The following USP34 variants were observed in gnomAD, a reference collection of about 807,000 sequenced individuals.
USP34 encodes ubiquitin specific peptidase 34, also known as ubiquitin carboxyl-terminal hydrolase 34.
A neutral mutation model predicts 460.3 loss-of-function variants in USP34; 70 were observed. The observed-to-expected ratio is 0.15, with a 90% confidence interval of 0.13 to 0.19. USP34 has a LOEUF of 0.19. Among genes scored for constraint, USP34 ranks in the 10% least tolerant of loss-of-function variants. USP34 has a pLI of 1.00. For missense variants in USP34, 3,985 were observed against 4,236.2 expected, an observed-to-expected ratio of 0.94 and a Z score of 1.65; for synonymous variants, 1,647 against 1,405.3, an observed-to-expected ratio of 1.17 and a Z score of -3.85.
Position 61,406,056 on chromosome 2 carries a change from G to C in USP34, c.204C>G (p.Asn68Lys), listed in dbSNP as rs1693861160. ...IFNQVVCALI[N>K]LVIAQVQVLR... Reference sequence around the variant, plus strand: ...GCACTTGAACTTGGGCAATCACTAAGTTAATAAGTGCACACACTACTTGAT... The same window carrying C: ...GCACTTGAACTTGGGCAATCACTAACTTAATAAGTGCACACACTACTTGAT... Residue 68 changes from asparagine to lysine, a missense_variant, in exon 3 of 80, where the codon AAC becomes AAG. By Grantham distance (94) the Asn-to-Lys change is moderately conservative (BLOSUM62 0). Coordinates refer to ENST00000398571, the MANE Select transcript of USP34 (RefSeq NM_014709.4). 1 of 1,613,576 alleles carries C rather than the reference G, an allele frequency of 6.2e-7. No individual in the cohort carries two copies. The highest frequency in any genetic ancestry group is 8.5e-7 in the Non-Finnish European group (1 of 1,179,922).
rs1687754534 is a variant in USP34, at chr2:61,227,301, T to C, written c.7444-83A>G. On this transcript the variant is annotated intron_variant, in intron 61 of 79. Transcript: ENST00000398571. ...ACAAATGACTTGTTTTATGTAACAGTGTAGATGGTGGCAGGAGCTTGTAAC... is the reference window on the plus strand; with the variant it reads ...ACAAATGACTTGTTTTATGTAACAGCGTAGATGGTGGCAGGAGCTTGTAAC... 9 of 1,457,608 alleles carry C rather than the reference T, an allele frequency of 6.2e-6. No homozygotes were observed. In the East Asian group the frequency reaches 7.4e-5, roughly 12 times the overall value. 90.3% of individuals were successfully genotyped at this position (1,457,608 alleles called of 1,614,324 possible).
At chr2:61,253,249 T>C (rs1264324208) in intron 48 of USP34, among the ~76,000 whole-genome samples, 1 of 152,336 alleles carries the variant, frequency 6.6e-6, no homozygotes, top group Middle Eastern at 3.4e-3. Context: ...CAGAATCTTA[T>C]CAGTCAAAAG....
At chr2:61,407,744 A>G (rs1349354931) in intron 2 of USP34, among the ~76,000 whole-genome samples, 1 of 152,228 alleles carries the variant, frequency 6.6e-6, no homozygotes, top group African/African-American at 2.4e-5. Context: ...CTCTAGAGGA[A>G]GCCACCTATC....
Position 61,318,504 on chromosome 2 carries a change from C to T in USP34, c.3168+669G>A, listed in dbSNP as rs1020895277. ...ACTAAAACTCATTCATATATATACT[C>T]AGTTCCAACATGGAGATAACGTCAC... On this transcript the variant is annotated intron_variant, in intron 22 of 79. Transcript: ENST00000398571. Among the ~76,000 whole-genome samples the T allele has an allele frequency of 2.0e-5, 3 of 152,148 alleles. No homozygotes were observed. In the East Asian group the frequency reaches 5.8e-4, roughly 29 times the overall value.
rs1015076705 is a variant in USP34, at chr2:61,317,756, T to C, written c.3180A>G (p.Leu1060=). ...CAGTCATGCTAATTGTTTCAGGTTT[T>C]AGCTGGGGCATCTTTGGAAGGGTAG... The part of the protein sequence containing the change: ...KHLFLEKMPQ[L]KPETISMTGL... Residue 1060 remains leucine, a synonymous_variant, in exon 23 of 80, where the codon CTA becomes CTG. Coordinates refer to ENST00000398571, the MANE Select transcript of USP34 (RefSeq NM_014709.4). 1.6e-5 allele frequency: 26 copies of C among 1,613,684 alleles called. No homozygotes were observed. The highest frequency in any genetic ancestry group is 2.1e-5 in the Non-Finnish European group (25 of 1,179,896).
At chr2:61,464,868 C>A (rs931825584) in intron 1 of USP34, among the ~76,000 whole-genome samples, 1 of 152,076 alleles carries the variant, frequency 6.6e-6, no homozygotes, top group Non-Finnish European at 1.5e-5. Flanking sequence ...CAACTCCTCA[C>A]CAAGATCTAG....
Position 61,470,896 on chromosome 2 carries a change from G to C in USP34, c.-204C>G, listed in dbSNP as rs1373103654. 3 of 252,826 alleles carry C rather than the reference G, an allele frequency of 1.2e-5. No homozygotes were observed. Among genetic ancestry groups the C allele is most frequent in the Non-Finnish European group, 2.3e-5 (3 of 131,668 alleles). The allele number at this position is 252,826 out of a possible 1,614,324, so 15.7% of individuals were successfully genotyped here. A position where few individuals can be genotyped will look rare whatever the true frequency, so the allele number is the denominator to read the frequency against. On this transcript the variant is annotated 5_prime_UTR_variant, in exon 1 of 80. Coordinates refer to ENST00000398571, the MANE Select transcript of USP34 (RefSeq NM_014709.4). ...GGTCCCCGCAGCGGGAGGGGGAGAG[G>C]AGGGGAGCGAGGGGAGGTGCGCAGG...
chr2:61,293,838 G>A (rs1167410332), intron 32 of USP34, among the ~76,000 whole-genome samples: 1 of 151,952 alleles, frequency 6.6e-6, no homozygotes, highest in East Asian at 1.9e-4. Context: ...AACATAGGAA[G>A]ACCTCATCTC....
chr2:61,204,689 C>T, intron 72 of USP34, 88 bp from the exon 73 acceptor site: 2 of 1,013,596 alleles, frequency 2.0e-6, no homozygotes, highest in Non-Finnish European at 3.0e-6. Flanking sequence ...ATGATTGCCT[C>T]ACTACAACCA....
At chr2:61,425,659 A>C (rs1694490015) in intron 1 of USP34, among the ~76,000 whole-genome samples, 1 of 152,098 alleles carries the variant, frequency 6.6e-6, no homozygotes. Flanking sequence ...GTTTCCAAGT[A>C]AACTTTTTGG....
chr2:61,388,186 C>T (rs1336284825), intron 5 of USP34, among the ~76,000 whole-genome samples: 2 of 151,744 alleles, frequency 1.3e-5, no homozygotes, highest in Non-Finnish European at 2.9e-5. Flanking sequence ...GAGGTTGCAA[C>T]GAATTGAGAT....
chr2:61,442,875 GGATA>G (rs1337298450), intron 1 of USP34, among the ~76,000 whole-genome samples: 4 of 139,460 alleles, frequency 2.9e-5, no homozygotes, highest in East Asian at 2.2e-4. Flanking sequence ...ATAGATGAAT[GGATA>G]AACAAAATGT....
In USP34 at chr2:61,220,372, T is replaced by C. The variant is rs747110227; in HGVS notation, c.7985A>G (p.Gln2662Arg). 2.9e-5 allele frequency: 46 copies of C among 1,613,920 alleles called. No homozygotes were observed. The Admixed American group carries it at 7.0e-4, about 25-fold the overall frequency. The change falls in exon 67 of 80, where the codon CAG becomes CGG. Residue 2662 changes from glutamine (Q) to arginine (R), a missense_variant. Coordinates refer to ENST00000398571, the MANE Select transcript of USP34 (RefSeq NM_014709.4). The part of the protein sequence containing the change: ...RNKLAHSWVL[Q>R]NMENWVERFL... ...CCGCTCGACCCAGTTTTCCATATTC[T>C]GTAAGACCCAGCTGTGTGCCAGTTT...
chr2:61,446,114 A>C (rs1302726312), intron 1 of USP34, among the ~76,000 whole-genome samples: 1 of 24,998 alleles, frequency 4.0e-5, no homozygotes, highest in Non-Finnish European at 8.4e-5. Context: ...ACTCTGTCTC[A>C]AAAAAAAAAA....
chr2:61,317,800 T>C, intron 22 of USP34, 33 bp from the exon 23 acceptor site: 1 of 1,491,532 alleles, frequency 6.7e-7, no homozygotes. Flanking sequence ...ACAAAGCTAA[T>C]TTAGTGTGGT....
Position 61,266,191 on chromosome 2 carries a change from T to C in USP34, c.5434-24A>G, listed in dbSNP as rs146859376. The C allele has an allele frequency of 9.6e-5, 152 of 1,588,446 alleles. 1 individual carries two copies. In the East Asian group the frequency reaches 2.7e-3, roughly 29 times the overall value. ...TCCTGGGGAGTAAAAGGAAACATGT[T>C]ATCTAAACTGAGATATTAATTACAT... On this transcript the variant is annotated intron_variant, in intron 41 of 79. Coordinates refer to ENST00000398571, the MANE Select transcript of USP34 (RefSeq NM_014709.4).
intron 19 of USP34, among the ~76,000 whole-genome samples, chr2:61,331,585 A>C (rs1365778315): frequency 2.0e-5 from 3 of 152,080 alleles, no homozygotes; most frequent in African/African-American, 7.2e-5. Flanking sequence ...GTAAGTTTTT[A>C]ATCTCAAAAT....
chr2:61,362,821 C>T (rs1692314821), intron 10 of USP34, among the ~76,000 whole-genome samples: 1 of 152,156 alleles, frequency 6.6e-6, no homozygotes, highest in Non-Finnish European at 1.5e-5. Context: ...GTGATTATTT[C>T]ACACTATGCA....
chr2:61,225,461 G>C (rs1687699920), intron 62 of USP34, among the ~76,000 whole-genome samples: 1 of 151,652 alleles, frequency 6.6e-6, no homozygotes, highest in African/African-American at 2.4e-5. Flanking sequence ...TTGATTTTTA[G>C]AGATTACTTC....
Sources: allele counts gnomAD v4.1 joint callset (sites outside exome capture counted in the v4.1 genomes callset), GRCh38; gene constraint gnomAD v4.1.1; transcripts MANE v1.5; gene names NCBI Gene and HGNC (gene_info 2026-07-23, HGNC 2026-07-21).